The following ADD2 variants were observed in gnomAD, a reference collection of about 807,000 sequenced individuals.
The protein encoded by ADD2 is beta-adducin.
A neutral mutation model predicts 83.0 loss-of-function variants in ADD2; 23 were observed. That is an observed-to-expected ratio of 0.28 (90% confidence interval 0.20 to 0.39). ADD2 has a LOEUF of 0.39. Among genes scored for constraint, ADD2 ranks in the 10% least tolerant of loss-of-function variants. The pLI, the probability that ADD2 is intolerant of heterozygous loss-of-function variation, is 1.00. For synonymous variants in ADD2, 375 were observed against 375.4 expected (o/e 1.00, Z 0.01); for missense variants, 758 against 944.9 (o/e 0.80, Z 2.59).
rs1317820623 is a variant in ADD2, at chr2:70,660,300, C to T, written c.*3125G>A. 1 of 152,184 alleles carries T rather than the reference C, an allele frequency of 6.6e-6. No individual in the cohort carries two copies. Among genetic ancestry groups the T allele is most frequent in the African/African-American group, 2.4e-5 (1 of 41,456 alleles). 9.4% of individuals were successfully genotyped at this position (152,184 alleles called of 1,614,324 possible). Reference sequence around the variant, plus strand: ...ATGCTCCCCTCTCCTTGTTGAAAATCCCTCTTAAGGTGCTTTATCCAAAGA... The same window carrying T: ...ATGCTCCCCTCTCCTTGTTGAAAATTCCTCTTAAGGTGCTTTATCCAAAGA... On this transcript the variant is annotated 3_prime_UTR_variant, in exon 16 of 16. Coordinates refer to ENST00000264436, the MANE Select transcript of ADD2 (RefSeq NM_001617.4).
At position 70,663,384 on chromosome 2, in the gene ADD2, GGA is replaced by G. The variant is rs1558513714; in HGVS notation, c.*39_*40del. ...ACAGAGATGGGAGAAGGGAAGGGGA[GGA>G]GAGAGAGGAGGCAGGAGGGAGCCCA... On this transcript the variant is annotated 3_prime_UTR_variant, in exon 16 of 16. Coordinates refer to ENST00000264436, the MANE Select transcript of ADD2 (RefSeq NM_001617.4). 6.4e-7 allele frequency: 1 copy of G among 1,561,646 alleles called. No individual in the cohort carries two copies. Among genetic ancestry groups the G allele is most frequent in the East Asian group, 2.2e-5 (1 of 44,630 alleles).
chr2:70,765,346 G>GTTC (rs1675328324), intron 1 of ADD2, among the ~76,000 whole-genome samples: 1 of 152,178 alleles, frequency 6.6e-6, no homozygotes, highest in Non-Finnish European at 1.5e-5. Context: ...GAATGAGATT[G>GTTC]TGTCTCAAAA....
intron 1 of ADD2, among the ~76,000 whole-genome samples, chr2:70,744,415 G>C (rs1674076433): frequency 1.3e-5 from 2 of 152,180 alleles, no homozygotes; most frequent in Admixed American, 6.5e-5. Context: ...TTGTATAGCT[G>C]TATGTGTGGA....
intron 1 of ADD2, among the ~76,000 whole-genome samples, chr2:70,737,973 A>G (rs1288123817): frequency 6.6e-6 from 1 of 152,230 alleles, no homozygotes; most frequent in African/African-American, 2.4e-5. Flanking sequence ...AGACCCAGTG[A>G]GTTTCAGCAA....
rs1553368638 is a variant in ADD2 at position 70,677,740 on chromosome 2, T to G, written c.1503+18A>C. ...CAGTGTGGGAGAAGAAAGAGTGGGATAAACAGACCCCACTTACCTTGTTCC... is the reference window on the plus strand; with the variant it reads ...CAGTGTGGGAGAAGAAAGAGTGGGAGAAACAGACCCCACTTACCTTGTTCC... On this transcript the variant is annotated intron_variant, in intron 12 of 15. Transcript: ENST00000264436. The G allele has an allele frequency of 1.6e-5, 26 of 1,612,930 alleles. No individual in the cohort carries two copies. The highest frequency in any genetic ancestry group is 2.1e-5 in the Non-Finnish European group (25 of 1,179,194).
intron 15 of ADD2, 44 bp downstream of exon 15, chr2:70,672,834 A>T: frequency 6.4e-7 from 1 of 1,568,304 alleles, no homozygotes; most frequent in Non-Finnish European, 8.6e-7. Flanking sequence ...CAGCCTGCAG[A>T]TGCACCCCTC....
chr2:70,753,024 A>G (rs1259971194), intron 1 of ADD2, among the ~76,000 whole-genome samples: 1 of 152,198 alleles, frequency 6.6e-6, no homozygotes, highest in South Asian at 2.1e-4. Context: ...GCCAAGGCCC[A>G]AAAGAGTTCA....
rs1670173878 is a variant in ADD2 at position 70,676,832 on chromosome 2, G to A, written c.1557C>T (p.Leu519=). The change falls in exon 13 of 16, where the codon CTC becomes CTT. Residue 519 remains leucine (L), a synonymous_variant. Transcript: ENST00000264436. This position sits in a 1 kb window ranked among gnomAD's most constrained non-coding sequence, Gnocchi z 4.8. ...TCTTCTCGGCAATGACGCTCGCCAG[G>A]AGCTGGGACTGAGGCCCCGCTGACT... is the stretch of plus-strand genomic sequence containing the variant. The part of the protein sequence containing the change: ...DVKSAGPQSQ[L]LASVIAEKSR... 2 of 1,614,090 alleles carry A rather than the reference G, an allele frequency of 1.2e-6. No individual in the cohort carries two copies. The highest frequency in any genetic ancestry group is 2.2e-5 in the East Asian group (1 of 44,896).
In ADD2 at chr2:70,662,020, T is replaced by C. The variant is rs1675554260; in HGVS notation, c.*1405A>G. 1 of 152,198 alleles carries C rather than the reference T, an allele frequency of 6.6e-6. No homozygotes were observed. The highest frequency in any genetic ancestry group is 1.5e-5 in the Non-Finnish European group (1 of 68,044). 9.4% of individuals were successfully genotyped at this position (152,198 alleles called of 1,614,324 possible). A position where few individuals can be genotyped will look rare whatever the true frequency, so the allele number is the denominator to read the frequency against. On this transcript the variant is annotated 3_prime_UTR_variant, in exon 16 of 16. Coordinates refer to ENST00000264436, the MANE Select transcript of ADD2 (RefSeq NM_001617.4). ...TGTAATGTATGTGAAGCCTGCACAG[T>C]GTCTATAGATAGCAAGTGCTCAAAA...
In ADD2 at chr2:70,676,358, C is replaced by T. The variant is rs1034004282; in HGVS notation, c.1593+438G>A. 6.5e-6 allele frequency: 7 copies of T among 1,076,582 alleles called. No homozygotes were observed. The East Asian group carries it at 3.8e-4, about 59-fold the overall frequency. The allele number at this position is 1,076,582 out of a possible 1,614,324, so 66.7% of individuals were successfully genotyped here. A position where few individuals can be genotyped will look rare whatever the true frequency, so the allele number is the denominator to read the frequency against. On this transcript the variant is annotated intron_variant, in intron 13 of 15. Transcript: ENST00000264436. The surrounding 1 kb of genome is among the most constrained non-coding windows in gnomAD (Gnocchi z 4.8). ...TCTATATACCCCTTCTCTATGGGTA[C>T]ATGATCATCTTTCCAGAGCTCTGGT...
Position 70,768,009 on chromosome 2 carries a change from T to C in ADD2, c.-277A>G. 5.9e-6 allele frequency: 9 copies of C among 1,518,916 alleles called. No individual in the cohort carries two copies. Among genetic ancestry groups the C allele is most frequent in the Non-Finnish European group, 7.9e-6 (9 of 1,134,840 alleles). The allele number at this position is 1,518,916 out of a possible 1,614,324, so 94.1% of individuals were successfully genotyped here. On this transcript the variant is annotated 5_prime_UTR_variant, in exon 1 of 16. Coordinates refer to ENST00000264436, the MANE Select transcript of ADD2 (RefSeq NM_001617.4). ...AGCTAATCTGCAGGGCAGCGTTTTC[T>C]GCCCATGCTGCAGCCCGCGCTCGTC... is the stretch of plus-strand genomic sequence containing the variant.
Position 70,678,917 on chromosome 2 carries a change from C to G in ADD2, c.1170G>C (p.Glu390Asp). 6.2e-7 allele frequency: 1 copy of G among 1,614,098 alleles called. No homozygotes were observed. Among genetic ancestry groups the G allele is most frequent in the Non-Finnish European group, 8.5e-7 (1 of 1,179,986 alleles). The change falls in exon 11 of 16, where the codon GAG becomes GAC. Residue 390 changes from glutamate (E) to aspartate (D), a missense_variant. Physicochemically the swap from Glu to Asp is conservative, Grantham distance 45 (BLOSUM62 2). Coordinates refer to ENST00000264436, the MANE Select transcript of ADD2 (RefSeq NM_001617.4). ...GYTYRHPFVQ[E>D]KTKHKSEVEI... ...CCACCTCACTTTTGTGTTTGGTTTT[C>G]TCTTGAACAAAGGGGTGGCGATACG...
At chr2:70,664,346 C>T (rs1343776677) in intron 15 of ADD2, among the ~76,000 whole-genome samples, 1 of 152,136 alleles carries the variant, frequency 6.6e-6, no homozygotes, top group African/African-American at 2.4e-5. Context: ...CCACTGGGGC[C>T]CCCAGGTCTT....
Position 70,676,388 on chromosome 2 carries a change from T to A in ADD2, c.1593+408A>T. On this transcript the variant is annotated intron_variant, in intron 13 of 15. Coordinates refer to ENST00000264436, the MANE Select transcript of ADD2 (RefSeq NM_001617.4). This position sits in a 1 kb window ranked among gnomAD's most constrained non-coding sequence, Gnocchi z 4.8. ...TCATCTTTCCAGAGCTCTGGTTGGATGATGTCATACCAGGCTCAGAGGTCA... is the reference window on the plus strand; with the variant it reads ...TCATCTTTCCAGAGCTCTGGTTGGAAGATGTCATACCAGGCTCAGAGGTCA... The A allele has an allele frequency of 8.9e-7, 1 of 1,126,460 alleles. No homozygotes were observed. The highest frequency in any genetic ancestry group is 1.1e-6 in the Non-Finnish European group (1 of 918,584). The allele number at this position is 1,126,460 out of a possible 1,614,324, so 69.8% of individuals were successfully genotyped here. A position where few individuals can be genotyped will look rare whatever the true frequency, so the allele number is the denominator to read the frequency against.
intron 1 of ADD2, among the ~76,000 whole-genome samples, chr2:70,744,893 A>G (rs1025024826): frequency 2.0e-5 from 3 of 152,128 alleles, no homozygotes; most frequent in Non-Finnish European, 4.4e-5. Flanking sequence ...TAGGAGACAA[A>G]AACAAACAAA....
chr2:70,674,317 G>A (rs1237197468), intron 14 of ADD2, among the ~76,000 whole-genome samples: 6 of 152,172 alleles, frequency 3.9e-5, no homozygotes, highest in Admixed American at 3.3e-4. Flanking sequence ...CTGGTGGAGG[G>A]TTTTGATTGC....
Position 70,676,742 on chromosome 2 carries a change from A to G in ADD2, c.1593+54T>C, listed in dbSNP as rs1553368368. Reference sequence around the variant, plus strand: ...CCTGCAACCCAGCCCCAGGCACAGAAGACCCCGAAGGCAAACACGTTTCCC... The same window carrying G: ...CCTGCAACCCAGCCCCAGGCACAGAGGACCCCGAAGGCAAACACGTTTCCC... On this transcript the variant is annotated intron_variant, in intron 13 of 15. Coordinates refer to ENST00000264436, the MANE Select transcript of ADD2 (RefSeq NM_001617.4). The surrounding 1 kb of genome is among the most constrained non-coding windows in gnomAD (Gnocchi z 4.8). The G allele has an allele frequency of 1.9e-6, 3 of 1,612,536 alleles. No individual in the cohort carries two copies. In the South Asian group the frequency reaches 3.3e-5, roughly 18 times the overall value.
At chr2:70,754,793 A>T (rs1478027810) in intron 1 of ADD2, among the ~76,000 whole-genome samples, 1 of 152,050 alleles carries the variant, frequency 6.6e-6, no homozygotes, top group Admixed American at 6.6e-5. Flanking sequence ...CAATGTGTGG[A>T]TGTCAACATC....
intron 1 of ADD2, among the ~76,000 whole-genome samples, chr2:70,737,616 C>T (rs1673643669): frequency 6.6e-6 from 1 of 151,472 alleles, no homozygotes; most frequent in African/African-American, 2.4e-5. Context: ...AGGAGATATA[C>T]CTAATGTAAA....
Sources: allele counts gnomAD v4.1 joint callset (sites outside exome capture counted in the v4.1 genomes callset), GRCh38; gene constraint gnomAD v4.1.1; non-coding constraint Gnocchi (gnomAD v3.1); transcripts MANE v1.5; gene names NCBI Gene and HGNC (gene_info 2026-07-23, HGNC 2026-07-21).